Variants in ANO5 observed in about 807,000 individuals in gnomAD.
ANO5 encodes the protein anoctamin-5.
ANO5 carries 109 observed loss-of-function variants against 121.0 expected under a neutral mutation model. The observed-to-expected ratio is 0.90, with a 90% CI of 0.77 to 1.06. The LOEUF (loss-of-function observed/expected upper bound fraction) is 1.06. Among genes scored for constraint, ANO5 ranks in the 50% least tolerant of loss-of-function variants. ANO5 has a pLI of 0.00. For missense variants in ANO5, 1,064 were observed against 1,078.5 expected (o/e 0.99, Z 0.19); for synonymous variants, 406 against 359.9 (o/e 1.13, Z -1.45).
rs367731017 is a variant in ANO5 at position 22,221,196 on chromosome 11, G to T, written c.280G>T (p.Ala94Ser). The T allele has an allele frequency of 2.5e-6, 4 of 1,608,656 alleles. No homozygotes were observed. Among genetic ancestry groups the T allele is most frequent in the East Asian group, 2.2e-5 (1 of 44,654 alleles). Reference protein sequence around the residue: ...LSYVDDVKKDAELKAERRKEF... With the variant: ...LSYVDDVKKDSELKAERRKEF... Reference sequence around the variant, plus strand: ...CTACGTTGATGATGTAAAGAAAGACGCAGAGTTAAAGGCGGTAAGTGCATT... The same window carrying T: ...CTACGTTGATGATGTAAAGAAAGACTCAGAGTTAAAGGCGGTAAGTGCATT... The change falls in exon 5 of 22, where the codon GCA becomes TCA. Residue 94 changes from alanine (A) to serine (S), a missense_variant. By Grantham distance (99) the Ala-to-Ser change is moderately conservative. Coordinates refer to ENST00000324559, the MANE Select transcript of ANO5 (RefSeq NM_213599.3).
chr11:22,218,379 G>A, intron 4 of ANO5, 92 bp downstream of exon 4: 19 of 1,505,894 alleles, frequency 1.3e-5, no homozygotes, highest in Non-Finnish European at 1.8e-5. Flanking sequence ...TTTGATTTGG[G>A]GGAACATTGT....
chr11:22,258,419 C>A (rs1854074074), intron 14 of ANO5, among the ~76,000 whole-genome samples: 1 of 152,118 alleles, frequency 6.6e-6, no homozygotes, highest in South Asian at 2.1e-4. Flanking sequence ...TCAGGACTCT[C>A]TTTTGAGAAA....
intron 9 of ANO5, among the ~76,000 whole-genome samples, chr11:22,249,076 A>C (rs1376532570): frequency 6.6e-6 from 1 of 152,026 alleles, no homozygotes; most frequent in African/African-American, 2.4e-5. Flanking sequence ...TTATAATTTA[A>C]TTTCAAGTTT....
At chr11:22,226,100 T>C (rs1590243826) in intron 6 of ANO5, 48 bp downstream of exon 6, 2 of 1,476,430 alleles carry the variant, frequency 1.4e-6, no homozygotes, top group East Asian at 4.6e-5. Flanking sequence ...TTAAGTGTTG[T>C]TTTCTCCTAC....
intron 7 of ANO5, among the ~76,000 whole-genome samples, chr11:22,230,951 C>T (rs1397977836): frequency 6.6e-6 from 1 of 151,920 alleles, no homozygotes; most frequent in Admixed American, 6.6e-5. Flanking sequence ...TACTGAAATG[C>T]ATTTTAATTG....
Position 22,227,511 on chromosome 11 carries a change from C to CTGA in ANO5, c.573_574insTGA (p.Phe191_Ser192insTer). 6.2e-7 allele frequency: 1 copy of CTGA among 1,613,594 alleles called. No homozygotes were observed. Among genetic ancestry groups the CTGA allele is most frequent in the Non-Finnish European group, 8.5e-7 (1 of 1,179,760 alleles). On this transcript the variant is annotated stop_gained and inframe_insertion, in exon 7 of 22. Transcript: ENST00000324559. LOFTEE classifies it high-confidence loss of function. Reference sequence around the variant, plus strand: ...ATCCTGAATATTTTACTGCACAATTCAGCAGACATCGGCAGGAGCTCTTCC... The same window carrying CTGA: ...ATCCTGAATATTTTACTGCACAATTCTGAAGCAGACATCGGCAGGAGCTCTTCC...
chr11:22,279,584 T>A lies in ANO5; in HGVS notation c.2561T>A (p.Ile854Lys), dbSNP rs1311724644. 1.2e-6 allele frequency: 2 copies of A among 1,612,776 alleles called. 1 individual carries two copies. Among genetic ancestry groups the A allele is most frequent in the African/African-American group, 2.7e-5 (2 of 74,882 alleles). Reference sequence around the variant, plus strand: ...GTTAAATTTTTGCTGGCCTGGATGATACCTGATGTTCCAAAAGATGTTGTG... The same window carrying A: ...GTTAAATTTTTGCTGGCCTGGATGAAACCTGATGTTCCAAAAGATGTTGTG... ...FLVKFLLAWM[I>K]PDVPKDVVER... Residue 854 changes from isoleucine to lysine, a missense_variant, in exon 22 of 22, where the codon ATA becomes AAA. Coordinates refer to ENST00000324559, the MANE Select transcript of ANO5 (RefSeq NM_213599.3).
chr11:22,206,326 G>C (rs572751931), intron 2 of ANO5, among the ~76,000 whole-genome samples: 7 of 72,202 alleles, frequency 9.7e-5, no homozygotes, highest in African/African-American at 3.0e-4. Flanking sequence ...TTTTGTGTGC[G>C]TGTGGAAAGG....
intron 4 of ANO5, 33 bp downstream of exon 4, chr11:22,218,320 T>A (rs528721364): frequency 2.5e-6 from 4 of 1,611,602 alleles, no homozygotes; most frequent in Non-Finnish European, 2.5e-6. Context: ...CTGCTTATGC[T>A]CTGAATGGCT....
intron 1 of ANO5, among the ~76,000 whole-genome samples, chr11:22,203,540 G>A (rs2133519382): frequency 1.3e-5 from 2 of 152,206 alleles, no homozygotes; most frequent in Middle Eastern, 6.8e-3. Flanking sequence ...ATTGATCAGA[G>A]TTAAGTTTAT....
In ANO5 at chr11:22,250,280, G is replaced by C; in HGVS notation, c.922G>C (p.Gly308Arg). 6.2e-7 allele frequency: 1 copy of C among 1,608,622 alleles called. No individual in the cohort carries two copies. The highest frequency in any genetic ancestry group is 8.5e-7 in the Non-Finnish European group (1 of 1,175,790). ...EKIGIYFVFL[G>R]FYTEMLFFAA... ...AATTGGTATCTATTTTGTCTTTCTT[G>C]GATTTTACACAGAAATGCTATTCTT... Residue 308 changes from glycine (G) to arginine (R), a missense_variant, in exon 10 of 22, where the codon GGA becomes CGA. Transcript: ENST00000324559.
chr11:22,260,017 G>A (rs1175366252), intron 15 of ANO5, among the ~76,000 whole-genome samples: 1 of 150,972 alleles, frequency 6.6e-6, no homozygotes, highest in African/African-American at 2.4e-5. Context: ...CTCCCTTGAT[G>A]GGTCTAGTTG....
At chr11:22,277,491 A>G (rs1854906387) in intron 21 of ANO5, among the ~76,000 whole-genome samples, 1 of 151,358 alleles carries the variant, frequency 6.6e-6, no homozygotes, top group Non-Finnish European at 1.5e-5. Flanking sequence ...ATTTCTGTCC[A>G]TCAGAGTTTT....
In ANO5 at chr11:22,279,814, C is replaced by G; in HGVS notation, c.*49C>G. On this transcript the variant is annotated 3_prime_UTR_variant, in exon 22 of 22. Transcript: ENST00000324559. The stretch of plus-strand genomic sequence containing the variant: ...GTGATCTGCCTTACTTCACTTTATC[C>G]TCTGGTTTTAGGGCCAGACGCCAGA... The G allele has an allele frequency of 6.6e-7, 1 of 1,525,482 alleles. No homozygotes were observed. The highest frequency in any genetic ancestry group is 9.0e-7 in the Non-Finnish European group (1 of 1,106,108). The allele number at this position is 1,525,482 out of a possible 1,614,324, so 94.5% of individuals were successfully genotyped here.
intron 1 of ANO5, among the ~76,000 whole-genome samples, chr11:22,196,505 T>TC: frequency 6.6e-6 from 1 of 151,654 alleles, no homozygotes; most frequent in South Asian, 2.1e-4. Context: ...ATGAGAGTTT[T>TC]TTTTTTTTTT....
intron 9 of ANO5, among the ~76,000 whole-genome samples, chr11:22,247,813 A>G (rs1853674421): frequency 1.3e-5 from 2 of 152,150 alleles, no homozygotes; most frequent in Middle Eastern, 3.2e-3. Flanking sequence ...TGGAGCATAT[A>G]AAGTTGAAGA....
At chr11:22,204,659 T>G (rs572101394) in intron 2 of ANO5, among the ~76,000 whole-genome samples, 87 of 152,130 alleles carry the variant, frequency 5.7e-4, no homozygotes, top group African/African-American at 2.0e-3. Flanking sequence ...AGTGACCCAC[T>G]AGTCAGAATG....
chr11:22,231,453 T>G lies in ANO5; in HGVS notation c.648+3867T>G, dbSNP rs147836974. On this transcript the variant is annotated intron_variant, in intron 7 of 21. Coordinates refer to ENST00000324559, the MANE Select transcript of ANO5 (RefSeq NM_213599.3). The stretch of plus-strand genomic sequence containing the variant: ...AAAGATAAGTTATATTAATCCCCAT[T>G]TTACTTATTTTTCAGTGGAAAACAC... Among the ~76,000 whole-genome samples the G allele has an allele frequency of 3.4e-3, 516 of 152,010 alleles. 4 individuals carry two copies. The highest frequency in any genetic ancestry group is 0.012 in the African/African-American group (497 of 41,494).
At position 22,252,187 on chromosome 11, in the gene ANO5, C is replaced by A. The variant is rs981401383; in HGVS notation, c.1180+1176C>A. On this transcript the variant is annotated intron_variant, in intron 12 of 21. Coordinates refer to ENST00000324559, the MANE Select transcript of ANO5 (RefSeq NM_213599.3). The stretch of plus-strand genomic sequence containing the variant: ...TGGTCTGAAGAGAGCAGCCTAGATT[C>A]AAAGAAAGAATAAAGAATCTAGAAA... Among the ~76,000 whole-genome samples the A allele has an allele frequency of 3.3e-5, 5 of 151,940 alleles. No homozygotes were observed. In the South Asian group the frequency reaches 1.0e-3, roughly 32 times the overall value.
Sources: gnomAD v4.1 joint callset for allele counts (sites outside exome capture counted in the v4.1 genomes callset) on GRCh38, gnomAD v4.1.1 for gene constraint, MANE v1.5 for transcripts, NCBI Gene and HGNC (gene_info 2026-07-23, HGNC 2026-07-21) for gene names.